ZNF765: variants seen among roughly 807,000 people sequenced by gnomAD.
ZNF765 encodes the protein zinc finger protein 765.
In ZNF765, 37 loss-of-function variants were observed where a neutral mutation model predicts 44.7. That is an observed-to-expected ratio of 0.83 (90% CI 0.64 to 1.09). The LOEUF is 1.09. ZNF765 is among the 50% of genes least tolerant of loss of function. ZNF765 has a pLI of 0.00. For missense variants in ZNF765, 594 were observed against 626.1 expected, an observed-to-expected ratio of 0.95 and a Z score of 0.55; for synonymous variants, 201 against 213.7, an observed-to-expected ratio of 0.94 and a Z score of 0.52.
chr19:53,399,737 A>C (rs1352797018), intron 2 of ZNF765, among the ~76,000 whole-genome samples: 1 of 152,154 alleles, frequency 6.6e-6, no homozygotes, highest in Non-Finnish European at 1.5e-5. Flanking sequence ...TTACATAGGT[A>C]AACTAGGGTC....
chr19:53,423,307 A>G, exon 4 of ZNF765: 1 of 644,290 alleles, frequency 1.6e-6, no homozygotes, highest in Non-Finnish European at 2.8e-6. Flanking sequence ...GCTGCTGATC[A>G]CGAGGGCACC....
chr19:53,395,673 A>G (rs1393867834), intron 1 of ZNF765, among the ~76,000 whole-genome samples: 2 of 152,060 alleles, frequency 1.3e-5, no homozygotes, highest in African/African-American at 4.8e-5. Context: ...TGCGGGCCCT[A>G]CTGCTCCCCA....
chr19:53,418,255 G>T (rs796755640), intron 3 of ZNF765, among the ~76,000 whole-genome samples: 20 of 152,240 alleles, frequency 1.3e-4, no homozygotes, highest in African/African-American at 4.8e-4. Flanking sequence ...GAAAAAATTA[G>T]CCGGGCGTGG....
At chr19:53,413,287 A>C, downstream of ZNF765, 1 of 588,588 alleles carries the variant, frequency 1.7e-6, no homozygotes, top group South Asian at 1.4e-5. Flanking sequence ...AAAACTGGTA[A>C]TAAAATCAGG....
intron 1 of ZNF765, among the ~76,000 whole-genome samples, chr19:53,396,246 ATG>A (rs2085668900): frequency 6.6e-6 from 1 of 151,404 alleles, no homozygotes; most frequent in African/African-American, 2.4e-5. Flanking sequence ...GAGAGTGGGG[ATG>A]AGGGTATAAC....
At position 53,408,457 on chromosome 19, in the gene ZNF765, G is replaced by T. The variant is rs751502475; in HGVS notation, c.902G>T (p.Cys301Phe). 6.2e-7 allele frequency: 1 copy of T among 1,613,788 alleles called. No individual in the cohort carries two copies. Among genetic ancestry groups the T allele is most frequent in the South Asian group, 1.1e-5 (1 of 91,080 alleles). ...RLHTGEKPYK[C>F]EECDKAFHFK... ...CATACTGGAGAGAAACCTTACAAAT[G>T]TGAAGAATGTGACAAAGCTTTCCAT... Residue 301 changes from cysteine to phenylalanine, a missense_variant, in exon 4 of 4, where the codon TGT becomes TTT. Physicochemically the swap from Cys to Phe is radical, Grantham distance 205 (BLOSUM62 -2). Transcript: ENST00000396408.
At chr19:53,413,928 G>GAAAAAAAAA (rs1555833383), downstream of ZNF765, among the ~76,000 whole-genome samples, 1 of 9,240 alleles carries the variant, frequency 1.1e-4, no homozygotes, top group Admixed American at 1.6e-3. Context: ...TAGCTAGAAA[G>GAAAAAAAAA]ACAAAAAAAA....
rs10675178 is a variant in ZNF765, at chr19:53,405,903, C to CTATATATATA, written c.143-1756_143-1747dup. Among the ~76,000 whole-genome samples the CTATATATATA allele has an allele frequency of 5.1e-3, 251 of 49,094 alleles. 30 individuals carry two copies. Among genetic ancestry groups the CTATATATATA allele is most frequent in the Non-Finnish European group, 7.8e-3 (159 of 20,340 alleles). The allele number at this position is 49,094 out of a possible 152,430, so 32.2% of individuals were successfully genotyped here. A position where few individuals can be genotyped will look rare whatever the true frequency, so the allele number is the denominator to read the frequency against. Reference sequence around the variant, plus strand: ...TAGTGAACTAGATAATTAATACCAACTATATATATATATATATATATATAT... The same window carrying CTATATATATA: ...TAGTGAACTAGATAATTAATACCAACTATATATATATATATATATATATATATATATATAT... On this transcript the variant is annotated intron_variant, in intron 3 of 3. Coordinates refer to ENST00000396408, the MANE Select transcript of ZNF765 (RefSeq NM_001040185.3).
chr19:53,412,852 T>C (rs1362994858), downstream of ZNF765, among the ~76,000 whole-genome samples: 1 of 152,178 alleles, frequency 6.6e-6, no homozygotes, highest in East Asian at 1.9e-4. Context: ...TTAACCTTGT[T>C]TGTGCCGCAA....
exon 4 of ZNF765, chr19:53,424,298 AAAAAAG>A (rs1286319158): frequency 6.6e-6 from 1 of 151,448 alleles, no homozygotes; most frequent in Non-Finnish European, 1.5e-5. Flanking sequence ...AAAAAAAAAA[AAAAAAG>A]AAAAGAAAAA....
exon 4 of ZNF765, chr19:53,423,595 T>C: frequency 3.1e-6 from 1 of 321,348 alleles, no homozygotes; most frequent in Non-Finnish European, 6.1e-6. Flanking sequence ...GGTGAACATC[T>C]CTGCAATGAT....
chr19:53,395,783 C>T (rs1194270078), intron 1 of ZNF765, among the ~76,000 whole-genome samples: 1 of 152,180 alleles, frequency 6.6e-6, no homozygotes, highest in Non-Finnish European at 1.5e-5. Flanking sequence ...CAGCTCCAGC[C>T]CCTGGAAAAT....
At position 53,406,578 on chromosome 19, in the gene ZNF765, G is replaced by T. The variant is rs568500809; in HGVS notation, c.143-1120G>T. Among the ~76,000 whole-genome samples the T allele has an allele frequency of 6.6e-5, 10 of 152,156 alleles. No homozygotes were observed. The East Asian group carries it at 1.9e-3, about 29-fold the overall frequency. Reference sequence around the variant, plus strand: ...TTTATGATTGTACATGAGGCTTTTCGGTATGTGGTATGCAATATAACTGAC... The same window carrying T: ...TTTATGATTGTACATGAGGCTTTTCTGTATGTGGTATGCAATATAACTGAC... On this transcript the variant is annotated intron_variant, in intron 3 of 3. Transcript: ENST00000396408.
rs777096272 is a variant in ZNF765 at position 53,408,102 on chromosome 19, A to C, written c.547A>C (p.Arg183=). ...LVSTAQRISC[R]PETHISNDYG... is the part of the protein sequence containing the mutation. ...TTCAACAGCCCAAAGAATTTCTTGT[A>C]GGCCTGAAACCCATATTTCTAATGA... The change falls in exon 4 of 4, where the codon AGG becomes CGG. Residue 183 remains arginine (R), a synonymous_variant. Coordinates refer to ENST00000396408, the MANE Select transcript of ZNF765 (RefSeq NM_001040185.3). 1 of 1,614,170 alleles carries C rather than the reference A, an allele frequency of 6.2e-7. No homozygotes were observed. Among genetic ancestry groups the C allele is most frequent in the Non-Finnish European group, 8.5e-7 (1 of 1,180,000 alleles).
chr19:53,407,492 G>T (rs143486299), intron 3 of ZNF765, among the ~76,000 whole-genome samples: 6 of 152,230 alleles, frequency 3.9e-5, no homozygotes, highest in Non-Finnish European at 5.9e-5. Context: ...TCACGATATT[G>T]GAAATAGACT....
Position 53,410,483 on chromosome 19 carries a change from A to G in ZNF765, c.*1356A>G. ...TTCGCACCTGGCACAACATCCTAGAATTCACATTGGAGAGAAAGCTTACAA... is the reference window on the plus strand; with the variant it reads ...TTCGCACCTGGCACAACATCCTAGAGTTCACATTGGAGAGAAAGCTTACAA... On this transcript the variant is annotated 3_prime_UTR_variant, in exon 4 of 4. Coordinates refer to ENST00000396408, the MANE Select transcript of ZNF765 (RefSeq NM_001040185.3). 1 of 381,928 alleles carries G rather than the reference A, an allele frequency of 2.6e-6. No individual in the cohort carries two copies. The highest frequency in any genetic ancestry group is 5.3e-6 in the Non-Finnish European group (1 of 189,772). 23.7% of individuals were successfully genotyped at this position (381,928 alleles called of 1,614,324 possible).
At chr19:53,401,454 T>G (rs1035717588) in intron 2 of ZNF765, among the ~76,000 whole-genome samples, 3 of 151,780 alleles carry the variant, frequency 2.0e-5, no homozygotes, top group Non-Finnish European at 2.9e-5. Context: ...TCCCAGCTAC[T>G]CGGGAGGCTG....
chr19:53,420,371 A>G (rs1423208837), intron 3 of ZNF765, among the ~76,000 whole-genome samples: 1 of 152,088 alleles, frequency 6.6e-6, no homozygotes, highest in Non-Finnish European at 1.5e-5. Context: ...TCAAATCCAA[A>G]TCTACCATTT....
Position 53,404,032 on chromosome 19 carries a change from C to G in ZNF765, c.142+1841C>G, listed in dbSNP as rs2085753128. ...AGTTGAATTATCTAGAGAAGGTATACTTACACCAGTTTCTGTATGTGTCCT... is the reference window on the plus strand; with the variant it reads ...AGTTGAATTATCTAGAGAAGGTATAGTTACACCAGTTTCTGTATGTGTCCT... On this transcript the variant is annotated intron_variant, in intron 3 of 3. Coordinates refer to ENST00000396408, the MANE Select transcript of ZNF765 (RefSeq NM_001040185.3). 2.6e-5 allele frequency among the ~76,000 whole-genome samples: 4 copies of G among 152,178 alleles called. No individual in the cohort carries two copies. In the South Asian group the frequency reaches 8.3e-4, roughly 31 times the overall value.
Sources: allele counts gnomAD v4.1 joint callset (sites outside exome capture counted in the v4.1 genomes callset), GRCh38; gene constraint gnomAD v4.1.1; transcripts MANE v1.5; gene names NCBI Gene and HGNC (gene_info 2026-07-23, HGNC 2026-07-21).